The following BECN1 variants were observed in gnomAD, a reference collection of about 807,000 sequenced individuals.
BECN1 encodes beclin 1, also known as beclin-1.
BECN1 carries 15 observed loss-of-function variants against 60.1 expected under a neutral mutation model. That is an observed-to-expected ratio of 0.25 (90% CI 0.17 to 0.38). The LOEUF (loss-of-function observed/expected upper bound fraction) is 0.38. Among genes scored for constraint, BECN1 ranks in the 10% least tolerant of loss-of-function variants. The pLI, the probability that BECN1 is intolerant of heterozygous loss-of-function variation, is 1.00. For missense variants in BECN1, 424 were observed against 548.2 expected, an observed-to-expected ratio of 0.77 and a Z score of 2.26; for synonymous variants, 179 against 201.8, an observed-to-expected ratio of 0.89 and a Z score of 0.96.
chr17:42,817,405 C>T (rs1184378968), intron 7 of BECN1, among the ~76,000 whole-genome samples: 2 of 152,162 alleles, frequency 1.3e-5, no homozygotes, highest in Admixed American at 6.5e-5. Context: ...TTACTATACC[C>T]CACTTCCAGT....
intron 10 of BECN1, among the ~76,000 whole-genome samples, chr17:42,813,032 G>A (rs2055063199): frequency 7.0e-6 from 1 of 143,066 alleles, no homozygotes; most frequent in Non-Finnish European, 1.5e-5. Flanking sequence ...TTTTAGTAGA[G>A]ACGGGGTTTC....
chr17:42,818,274 T>G lies in BECN1; in HGVS notation c.630A>C (p.Glu210Asp), dbSNP rs1167002288. The change falls in exon 7 of 12, where the codon GAA (glutamate) becomes GAC (aspartate). Residue 210 changes from glutamate (E) to aspartate (D), a missense_variant. Physicochemically the swap from Glu to Asp is conservative, Grantham distance 45. This residue lies in a region of BECN1 where 326 missense variants were observed against 406.2 expected (regional missense o/e 0.80). Coordinates refer to ENST00000590099, the MANE Select transcript of BECN1 (RefSeq NM_001313998.2). ...DVEKNRKIVAENLEKVQAEAE... is the reference protein window; with the variant it reads ...DVEKNRKIVADNLEKVQAEAE... Reference sequence around the variant, plus strand: ...CCTCAGCCTGGACCTTCTCGAGATTTTCTGCCACTATCTTGCGGTTCTTTT... The same window carrying G: ...CCTCAGCCTGGACCTTCTCGAGATTGTCTGCCACTATCTTGCGGTTCTTTT... The G allele has an allele frequency of 6.2e-7, 1 of 1,614,216 alleles. No individual in the cohort carries two copies. Among genetic ancestry groups the G allele is most frequent in the Admixed American group, 1.7e-5 (1 of 60,022 alleles).
intron 9 of BECN1, 130 bp downstream of exon 9, chr17:42,814,394 C>G: frequency 7.9e-7 from 1 of 1,260,096 alleles, no homozygotes; most frequent in Admixed American, 2.1e-5. Flanking sequence ...ATGCTGACAG[C>G]TCTTCAGCCA....
chr17:42,811,601 A>T, intron 11 of BECN1, 54 bp downstream of exon 11: 1 of 1,564,240 alleles, frequency 6.4e-7, no homozygotes, highest in Non-Finnish European at 8.7e-7. Flanking sequence ...CTGCTGCTTC[A>T]ATTCTGTTCA....
Position 42,814,516 on chromosome 17 carries a change from C to T in BECN1, c.980+8G>A. 5.0e-6 allele frequency: 8 copies of T among 1,614,118 alleles called. No homozygotes were observed. The highest frequency in any genetic ancestry group is 6.8e-6 in the Non-Finnish European group (8 of 1,179,998). On this transcript the variant is annotated splice_region_variant and intron_variant, in intron 9 of 11. Coordinates refer to ENST00000590099, the MANE Select transcript of BECN1 (RefSeq NM_001313998.2). ...CATCACTCCCCAAGAAAGGGCTACA[C>T]TTCCTACCTCTGAAATTTCAGACCC...
At chr17:42,822,533 T>G (rs771404615) in intron 2 of BECN1, among the ~76,000 whole-genome samples, 3 of 152,176 alleles carry the variant, frequency 2.0e-5, no homozygotes, top group Non-Finnish European at 4.4e-5. Flanking sequence ...TGACTTAATC[T>G]GAATTCTTCT....
chr17:42,818,887 G>GC lies in BECN1; in HGVS notation c.261-11dup. On this transcript the variant is annotated splice_polypyrimidine_tract_variant and intron_variant, in intron 4 of 11. Coordinates refer to ENST00000590099, the MANE Select transcript of BECN1 (RefSeq NM_001313998.2). Reference sequence around the variant, plus strand: ...TTCTGTGGACATCATCCTGCAGACAGCCCCCCGCCCACGGGCCACATGAGG... The same window carrying GC: ...TTCTGTGGACATCATCCTGCAGACAGCCCCCCCGCCCACGGGCCACATGAGG... The GC allele has an allele frequency of 1.9e-6, 3 of 1,613,842 alleles. No individual in the cohort carries two copies. Among genetic ancestry groups the GC allele is most frequent in the Non-Finnish European group, 2.5e-6 (3 of 1,179,812 alleles).
chr17:42,811,454 T>A (rs2055003370), intron 11 of BECN1: 1 of 529,488 alleles, frequency 1.9e-6, no homozygotes. Flanking sequence ...TAAGGCAACA[T>A]TCTTCTACTC....
chr17:42,819,486 T>C (rs1034076000), intron 4 of BECN1, 62 bp downstream of exon 4: 1 of 1,571,204 alleles, frequency 6.4e-7, no homozygotes, highest in African/African-American at 1.4e-5. Context: ...TCTCGATTCC[T>C]GGATTTAATT....
In BECN1 at chr17:42,810,179, T is replaced by C. The variant is rs1394513218; in HGVS notation, c.*581A>G. The C allele has an allele frequency of 6.5e-6, 1 of 152,756 alleles. No individual in the cohort carries two copies. The highest frequency in any genetic ancestry group is 2.4e-5 in the African/African-American group (1 of 41,458). 9.5% of individuals were successfully genotyped at this position (152,756 alleles called of 1,614,324 possible). The stretch of plus-strand genomic sequence containing the variant: ...ATCTTTTATTACAAATAATTAAATC[T>C]CTCCATAATGTCTCAAACAGTATCA... On this transcript the variant is annotated 3_prime_UTR_variant, in exon 12 of 12. Coordinates refer to ENST00000590099, the MANE Select transcript of BECN1 (RefSeq NM_001313998.2).
rs2055082999 is a variant in BECN1, at chr17:42,813,605, A to G, written c.1041+343T>C. Reference sequence around the variant, plus strand: ...ATTCCCAAGATATCTTAGTATCTATATGCCAATATCCCAAAATCTGAAAAA... The same window carrying G: ...ATTCCCAAGATATCTTAGTATCTATGTGCCAATATCCCAAAATCTGAAAAA... On this transcript the variant is annotated intron_variant, in intron 10 of 11. Transcript: ENST00000590099. 4 of 177,468 alleles carry G rather than the reference A, an allele frequency of 2.3e-5. No homozygotes were observed. In the South Asian group the frequency reaches 4.6e-4, roughly 21 times the overall value. The allele number at this position is 177,468 out of a possible 1,614,324, so 11.0% of individuals were successfully genotyped here.
Position 42,818,524 on chromosome 17 carries a change from C to G in BECN1, c.488+20G>C, listed in dbSNP as rs1237049541. ...CTCAGAGCAGTAACAGCTCTGAGCC[C>G]TGGCTCTGGAGACACTCACTTGTAG... is the stretch of plus-strand genomic sequence containing the variant. On this transcript the variant is annotated intron_variant, in intron 6 of 11. Coordinates refer to ENST00000590099, the MANE Select transcript of BECN1 (RefSeq NM_001313998.2). 4 of 1,614,104 alleles carry G rather than the reference C, an allele frequency of 2.5e-6. No individual in the cohort carries two copies. The highest frequency in any genetic ancestry group is 1.7e-5 in the Admixed American group (1 of 60,032).
chr17:42,820,931 A>T, intron 2 of BECN1, 90 bp from the exon 3 acceptor site: 8 of 1,152,718 alleles, frequency 6.9e-6, no homozygotes, highest in Non-Finnish European at 1.0e-5. Flanking sequence ...AAATATTCTC[A>T]TCACCACCCT....
chr17:42,822,777 C>T (rs2055295130), intron 2 of BECN1, among the ~76,000 whole-genome samples: 1 of 151,958 alleles, frequency 6.6e-6, no homozygotes, highest in African/African-American at 2.4e-5. Context: ...ATCATAGCTT[C>T]CTGCAGCTTT....
intron 10 of BECN1, among the ~76,000 whole-genome samples, chr17:42,813,124 G>A (rs2055067655): frequency 1.3e-5 from 2 of 151,230 alleles, no homozygotes; most frequent in African/African-American, 2.4e-5. Flanking sequence ...GATTACAGGC[G>A]TGAGCCACTG....
chr17:42,819,182 T>C, intron 4 of BECN1: 1 of 480,304 alleles, frequency 2.1e-6, no homozygotes, highest in Non-Finnish European at 3.7e-6. Flanking sequence ...TAGAAAATAT[T>C]ATACCCCTTG....
At chr17:42,814,910 A>G (rs2055114272) in intron 8 of BECN1, 1 of 539,022 alleles carries the variant, frequency 1.9e-6, no homozygotes, top group Non-Finnish European at 3.3e-6. Flanking sequence ...CCTTCCGTGC[A>G]AAACTGCCAA....
At chr17:42,820,725 T>C in intron 3 of BECN1, 49 bp downstream of exon 3, 1 of 1,503,694 alleles carries the variant, frequency 6.7e-7, no homozygotes, top group Non-Finnish European at 9.1e-7. Flanking sequence ...ATCTCTCATT[T>C]GGAATGTTTA....
intron 10 of BECN1, chr17:42,812,080 G>T: frequency 2.9e-6 from 1 of 347,826 alleles, no homozygotes; most frequent in African/African-American, 2.1e-5. Context: ...AAGAGTACAT[G>T]GGAAAAGAAA....
Sources: allele counts gnomAD v4.1 joint callset (sites outside exome capture counted in the v4.1 genomes callset), GRCh38; gene constraint gnomAD v4.1.1; regional missense constraint gnomAD v4.1.1; transcripts MANE v1.5; gene names NCBI Gene and HGNC (gene_info 2026-07-23, HGNC 2026-07-21).